Variants in UGT1A10 observed in about 807,000 individuals in gnomAD.
UGT1A10 encodes the protein UDP-glucuronosyltransferase 1A10.
In UGT1A10, 49 loss-of-function variants were observed where a neutral mutation model predicts 45.8. The observed-to-expected ratio is 1.07, with a 90% CI of 0.85 to 1.36. UGT1A10 has a LOEUF of 1.36. Ranked by LOEUF, UGT1A10 falls within the 40% of genes most tolerant of loss-of-function variation. The probability of loss-of-function intolerance (pLI) is 0.00; values close to 1 mark genes in which losing one functional copy is unlikely to be tolerated. For missense variants in UGT1A10, 745 were observed against 668.6 expected (o/e 1.11, Z -1.26); for synonymous variants, 284 against 249.7 (o/e 1.14, Z -1.29).
chr2:233,728,960 A>T, intron 1 of UGT1A10: 1 of 1,448,658 alleles, frequency 6.9e-7, no homozygotes, highest in Non-Finnish European at 9.2e-7. Context: ...CACAGTGAAA[A>T]ACAGTGATAG....
chr2:233,735,442 G>A (rs1187026118), intron 1 of UGT1A10, among the ~76,000 whole-genome samples: 1 of 151,980 alleles, frequency 6.6e-6, no homozygotes, highest in Non-Finnish European at 1.5e-5. Flanking sequence ...ACAGCATACC[G>A]ATGGGCCTTG....
chr2:233,747,280 C>A, intron 1 of UGT1A10: 3 of 1,599,268 alleles, frequency 1.9e-6, no homozygotes, highest in Non-Finnish European at 2.6e-6. Flanking sequence ...TCTCAGTGCC[C>A]AGCCCTGGGC....
At chr2:233,718,793 C>T in intron 1 of UGT1A10, 2 of 1,613,146 alleles carry the variant, frequency 1.2e-6, no homozygotes, top group Non-Finnish European at 1.7e-6. Flanking sequence ...GTGGGGTGGA[C>T]AGTCAGCTGT....
At position 233,711,373 on chromosome 2, in the gene UGT1A10, G is replaced by A. The variant is rs28898592; in HGVS notation, c.856-55661G>A. On this transcript the variant is annotated intron_variant, in intron 1 of 4. Transcript: ENST00000344644. ...GGGGAGCCCCCTGAATGTGGTGAGA[G>A]CACCCTCCCAGGTGTGTTCCACCCT... is the stretch of plus-strand genomic sequence containing the variant. Among the ~76,000 whole-genome samples the A allele has an allele frequency of 3.7e-3, 562 of 152,368 alleles. 5 individuals are homozygous for A. Among genetic ancestry groups the A allele is most frequent in the African/African-American group, 0.013 (535 of 41,588 alleles).
rs779879780 is a variant in UGT1A10 at position 233,772,123 on chromosome 2, AACAAC to A, written c.1296-137_1296-133del. ...GCAAGACTCTGTATCTAAAAACAAC[AACAAC>A]AACAATAATAGAAACAGGTTTCCTT... On this transcript the variant is annotated intron_variant, in intron 4 of 4. Transcript: ENST00000344644. 9.6e-4 allele frequency: 1,484 copies of A among 1,538,280 alleles called. 5 individuals are homozygous for A. The highest frequency in any genetic ancestry group is 4.4e-3 in the Admixed American group (222 of 50,484).
chr2:233,682,709 G>C, intron 1 of UGT1A10: 1 of 1,613,798 alleles, frequency 6.2e-7, no homozygotes, highest in Non-Finnish European at 8.5e-7. Context: ...AACTGACTTT[G>C]TTTTGGAGTA....
intron 1 of UGT1A10, among the ~76,000 whole-genome samples, chr2:233,709,916 C>T (rs1451776215): frequency 6.6e-6 from 1 of 152,228 alleles, no homozygotes; most frequent in African/African-American, 2.4e-5. Flanking sequence ...AATACCTCCC[C>T]TCACCTTAGG....
chr2:233,686,945 C>T (rs1438095246), intron 1 of UGT1A10, among the ~76,000 whole-genome samples: 1 of 152,326 alleles, frequency 6.6e-6, no homozygotes, highest in African/African-American at 2.4e-5. Flanking sequence ...TGCAGGGAAG[C>T]TGTCAGTAAT....
intron 1 of UGT1A10, among the ~76,000 whole-genome samples, chr2:233,667,903 G>C (rs995254383): frequency 6.6e-6 from 1 of 152,190 alleles, no homozygotes; most frequent in African/African-American, 2.4e-5. Flanking sequence ...AGAGGATGTG[G>C]AGAAATAGGA....
chr2:233,712,236 T>C (rs1331292376), intron 1 of UGT1A10, among the ~76,000 whole-genome samples: 1 of 152,234 alleles, frequency 6.6e-6, no homozygotes, highest in African/African-American at 2.4e-5. Flanking sequence ...ACCATGGGTC[T>C]TTGCTAGGGT....
chr2:233,733,312 C>T, intron 1 of UGT1A10, among the ~76,000 whole-genome samples: 1 of 152,116 alleles, frequency 6.6e-6, no homozygotes, highest in Non-Finnish European at 1.5e-5. Context: ...CTTTCTCTTG[C>T]CTGATTGCCC....
chr2:233,763,501 T>C (rs1395198282), intron 1 of UGT1A10, among the ~76,000 whole-genome samples: 3 of 152,238 alleles, frequency 2.0e-5, no homozygotes, highest in Non-Finnish European at 4.4e-5. Context: ...CAGTTTACTT[T>C]ATGTTTAGTT....
chr2:233,747,477 T>G lies in UGT1A10; in HGVS notation c.856-19557T>G, dbSNP rs1368203969. 4 of 1,608,578 alleles carry G rather than the reference T, an allele frequency of 2.5e-6. No homozygotes were observed. In the Admixed American group the frequency reaches 6.7e-5, roughly 27 times the overall value. Reference sequence around the variant, plus strand: ...TGCCATTTCATGGACCCAGGATGAATTTGATCGCCTTGTGCTGGGCCACAC... The same window carrying G: ...TGCCATTTCATGGACCCAGGATGAAGTTGATCGCCTTGTGCTGGGCCACAC... On this transcript the variant is annotated intron_variant, in intron 1 of 4. Transcript: ENST00000344644.
rs28898606 is a variant in UGT1A10, at chr2:233,716,997, G to A, written c.856-50037G>A. Among the ~76,000 whole-genome samples, 1,356 of 152,258 alleles carry A rather than the reference G, an allele frequency of 8.9e-3. 31 individuals carry two copies. The highest frequency in any genetic ancestry group is 0.031 in the African/African-American group (1,268 of 41,526). On this transcript the variant is annotated intron_variant, in intron 1 of 4. Coordinates refer to ENST00000344644, the MANE Select transcript of UGT1A10 (RefSeq NM_019075.4). Reference sequence around the variant, plus strand: ...TCCCCACAGTCCTGCTGTCCTCAGGGCCCCTATGTCTCTGAAGGCACCACC... The same window carrying A: ...TCCCCACAGTCCTGCTGTCCTCAGGACCCCTATGTCTCTGAAGGCACCACC...
intron 1 of UGT1A10, chr2:233,681,906 C>A (rs1352844519): frequency 4.4e-6 from 7 of 1,596,542 alleles, no homozygotes; most frequent in Non-Finnish European, 6.0e-6. Flanking sequence ...AGCTTAGAAT[C>A]CCAGCTGCTG....
At chr2:233,719,476 C>T (rs1220273239) in intron 1 of UGT1A10, 3 of 1,613,886 alleles carry the variant, frequency 1.9e-6, no homozygotes, top group African/African-American at 2.7e-5. Flanking sequence ...TACCCTCTGG[C>T]CCTGTCCTAC....
intron 1 of UGT1A10, among the ~76,000 whole-genome samples, chr2:233,666,598 TG>T (rs975094634): frequency 1.5e-4 from 23 of 152,274 alleles, no homozygotes; most frequent in South Asian, 4.1e-4. Flanking sequence ...AGTCTGTAGA[TG>T]TTTTTTTTAA....
chr2:233,676,216 G>A (rs993118721), intron 1 of UGT1A10, among the ~76,000 whole-genome samples: 3 of 152,082 alleles, frequency 2.0e-5, no homozygotes, highest in Non-Finnish European at 4.4e-5. Context: ...ATCCTTCACC[G>A]ATGGATTCAT....
chr2:233,664,704 C>A (rs781466445), intron 1 of UGT1A10, among the ~76,000 whole-genome samples: 2 of 152,184 alleles, frequency 1.3e-5, no homozygotes, highest in Non-Finnish European at 2.9e-5. Context: ...GGGATCCACC[C>A]CCATGATCCA....
Sources: gnomAD v4.1 joint callset for allele counts (sites outside exome capture counted in the v4.1 genomes callset) on GRCh38, gnomAD v4.1.1 for gene constraint, MANE v1.5 for transcripts, NCBI Gene and HGNC (gene_info 2026-07-23, HGNC 2026-07-21) for gene names.